The following MAN2A2 variants were observed in gnomAD, a reference collection of about 807,000 sequenced individuals.
The protein encoded by MAN2A2 is mannosidase alpha class 2A member 2.
Under a neutral mutation model 126.8 loss-of-function variants are expected in MAN2A2, and 79 were observed. The observed-to-expected ratio is 0.62, with a 90% CI of 0.52 to 0.75. The LOEUF is 0.75. Among genes scored for constraint, MAN2A2 ranks in the 30% least tolerant of loss-of-function variants. MAN2A2 has a pLI of 0.00. For missense variants in MAN2A2, 1,392 were observed against 1,522.4 expected (o/e 0.91, Z 1.43); for synonymous variants, 671 against 618.7 (o/e 1.08, Z -1.25).
chr15:90,912,424 G>A (rs1459554339), intron 15 of MAN2A2, 118 bp from the exon 16 acceptor site: 1 of 1,585,850 alleles, frequency 6.3e-7, no homozygotes, highest in African/African-American at 1.3e-5. Flanking sequence ...CTCAGCTCCA[G>A]CCTGACAGCA....
At chr15:90,911,892 A>T in intron 14 of MAN2A2, 151 bp from the exon 15 acceptor site, 1 of 695,830 alleles carries the variant, frequency 1.4e-6, no homozygotes, top group Non-Finnish European at 2.5e-6. Context: ...ATGAGGAAGA[A>T]AGGGCAAATC....
At position 90,910,700 on chromosome 15, in the gene MAN2A2, T is replaced by C; in HGVS notation, c.1760+17T>C. The C allele has an allele frequency of 6.2e-7, 1 of 1,612,944 alleles. No individual in the cohort carries two copies. The highest frequency in any genetic ancestry group is 1.1e-5 in the South Asian group (1 of 91,086). On this transcript the variant is annotated intron_variant, in intron 11 of 22. Transcript: ENST00000559717. ...TGGGGTCAGGTGGGAGCCTTCTCTT[T>C]TCCCTTGTAAGCTCCCCTGCTCACT...
chr15:90,905,595 A>T lies in MAN2A2; in HGVS notation c.407A>T (p.Glu136Val). 6.2e-7 allele frequency: 1 copy of T among 1,614,178 alleles called. No homozygotes were observed. Among genetic ancestry groups the T allele is most frequent in the Non-Finnish European group, 8.5e-7 (1 of 1,180,030 alleles). ...ACCTGGCAGATGCTCACTGTGTCGG[A>T]GGAGCTGCCGTTTGACAACGTGGAT... ...KPELQMLTVSEELPFDNVDGG... is the reference protein window; with the variant it reads ...KPELQMLTVSVELPFDNVDGG... The change falls in exon 4 of 23, where the codon GAG becomes GTG. Residue 136 changes from glutamate to valine, a missense_variant. Glu to Val is a moderately radical substitution (Grantham distance 121). Coordinates refer to ENST00000559717, the MANE Select transcript of MAN2A2 (RefSeq NM_006122.4).
At chr15:90,911,619 C>G in intron 14 of MAN2A2, 69 bp downstream of exon 14, 1 of 1,482,938 alleles carries the variant, frequency 6.7e-7, no homozygotes, top group African/African-American at 1.4e-5. Context: ...CCCGGCGACG[C>G]CAGCCTCCCA....
chr15:90,910,672 C>T lies in MAN2A2; in HGVS notation c.1749C>T (p.Asp583=). 6.2e-7 allele frequency: 1 copy of T among 1,614,056 alleles called. No homozygotes were observed. The highest frequency in any genetic ancestry group is 2.2e-5 in the East Asian group (1 of 44,890). Residue 583 remains aspartate, a synonymous_variant, in exon 11 of 23, where the codon GAC becomes GAT. Transcript: ENST00000559717. ...TGTAKEAVVV[D]YGVRLLRSLV... is the part of the protein sequence containing the mutation. ...CGGCCAAGGAGGCTGTGGTGGTGGA[C>T]TATGGGGTCAGGTGGGAGCCTTCTC...
chr15:90,913,407 G>T lies in MAN2A2; in HGVS notation c.2718+1G>T. 3 of 1,585,504 alleles carry T rather than the reference G, an allele frequency of 1.9e-6. No individual in the cohort carries two copies. The highest frequency in any genetic ancestry group is 2.6e-6 in the Non-Finnish European group (3 of 1,154,186). On this transcript the variant is annotated splice_donor_variant, in intron 18 of 22. Coordinates refer to ENST00000559717, the MANE Select transcript of MAN2A2 (RefSeq NM_006122.4). LOFTEE classifies it high-confidence loss of function. ...CTTCACAGACCTCAATGGCTTTCAG[G>T]TGACTCCTGGGCCTGGGTCTCGGAG... is the stretch of plus-strand genomic sequence containing the variant.
chr15:90,916,990 G>A (rs1241908876), intron 20 of MAN2A2, among the ~76,000 whole-genome samples: 1 of 152,178 alleles, frequency 6.6e-6, no homozygotes, highest in Non-Finnish European at 1.5e-5. Flanking sequence ...GATGAATGGG[G>A]TGTGATTTGA....
Position 90,905,598 on chromosome 15 carries a change from A to T in MAN2A2, c.410A>T (p.Glu137Val). The change falls in exon 4 of 23, where the codon GAG becomes GTG. Residue 137 changes from glutamate (E) to valine (V), a missense_variant. By Grantham distance (121) the Glu-to-Val change is moderately radical (BLOSUM62 -2). Transcript: ENST00000559717. ...TGGCAGATGCTCACTGTGTCGGAGG[A>T]GCTGCCGTTTGACAACGTGGATGGT... is the stretch of plus-strand genomic sequence containing the variant. The part of the protein sequence containing the change: ...PELQMLTVSE[E>V]LPFDNVDGGV... 1 of 1,614,142 alleles carries T rather than the reference A, an allele frequency of 6.2e-7. No homozygotes were observed. The highest frequency in any genetic ancestry group is 1.1e-5 in the South Asian group (1 of 91,084).
intron 1 of MAN2A2, chr15:90,903,930 C>G (rs2034038374): frequency 4.2e-6 from 2 of 480,968 alleles, no homozygotes; most frequent in African/African-American, 2.0e-5. Context: ...TTGTGTGGTG[C>G]GCTCCAGTCG....
intron 9 of MAN2A2, 58 bp from the exon 10 acceptor site, chr15:90,910,032 G>A: frequency 6.6e-7 from 1 of 1,504,220 alleles, no homozygotes; most frequent in East Asian, 2.3e-5. Context: ...CAGCACTGTG[G>A]CCACAATTTG....
Position 90,919,887 on chromosome 15 carries a change from C to G in MAN2A2, c.*100C>G. On this transcript the variant is annotated 3_prime_UTR_variant, in exon 23 of 23. Transcript: ENST00000559717. ...ACGGGTATCCCATCCCGATCTGCCTCCCAGAACTGTGACACACTGGGCTCT... is the reference window on the plus strand; with the variant it reads ...ACGGGTATCCCATCCCGATCTGCCTGCCAGAACTGTGACACACTGGGCTCT... 5 of 1,395,100 alleles carry G rather than the reference C, an allele frequency of 3.6e-6. No homozygotes were observed. Among genetic ancestry groups the G allele is most frequent in the Non-Finnish European group, 5.0e-6 (5 of 1,009,468 alleles). 86.4% of individuals were successfully genotyped at this position (1,395,100 alleles called of 1,614,324 possible).
chr15:90,913,529 G>T, intron 18 of MAN2A2, 85 bp from the exon 19 acceptor site: 2 of 1,565,452 alleles, frequency 1.3e-6, no homozygotes, highest in African/African-American at 2.7e-5. Context: ...GAGGCGAAGA[G>T]TTATCGGGGA....
Position 90,919,653 on chromosome 15 carries a change from T to C in MAN2A2, c.3319T>C (p.Phe1107Leu), listed in dbSNP as rs770447911. 3.1e-6 allele frequency: 5 copies of C among 1,614,144 alleles called. No individual in the cohort carries two copies. The highest frequency in any genetic ancestry group is 4.2e-6 in the Non-Finnish European group (5 of 1,180,006). ...SQGKVALGSLFHGLDVVFLQP... is the reference protein window; with the variant it reads ...SQGKVALGSLLHGLDVVFLQP... ...TCCACAGGTAGCCCTGGGCAGCCTT[T>C]TCCATGGCCTGGATGTGGTATTCCT... Residue 1107 changes from phenylalanine (F) to leucine (L), a missense_variant, in exon 23 of 23, where the codon TTC becomes CTC. Transcript: ENST00000559717.
chr15:90,916,306 G>A (rs777483133), intron 20 of MAN2A2, 50 bp downstream of exon 20: 1 of 1,590,426 alleles, frequency 6.3e-7, no homozygotes, highest in South Asian at 1.1e-5. Context: ...TAGTCCCTGG[G>A]GGTGGCCGGG....
intron 8 of MAN2A2, among the ~76,000 whole-genome samples, chr15:90,908,898 A>T (rs575025857): frequency 1.3e-5 from 2 of 152,230 alleles, no homozygotes; most frequent in African/African-American, 4.8e-5. Context: ...TTTAATTCTC[A>T]TAACATTATA....
chr15:90,911,455 C>G lies in MAN2A2; in HGVS notation c.2014C>G (p.Arg672Gly), dbSNP rs750741156. The G allele has an allele frequency of 8.1e-6, 13 of 1,614,234 alleles. No homozygotes were observed. Among genetic ancestry groups the G allele is most frequent in the Non-Finnish European group, 1.1e-5 (13 of 1,180,042 alleles). The change falls in exon 14 of 23, where the codon CGC (arginine) becomes GGC (glycine). Residue 672 changes from arginine (R) to glycine (G), a missense_variant. Physicochemically the swap from Arg to Gly is moderately radical, Grantham distance 125. Coordinates refer to ENST00000559717, the MANE Select transcript of MAN2A2 (RefSeq NM_006122.4). ...SMVSLLVNSP[R>G]VRVLSEEGQP... ...GGTGTCCCTGCTGGTCAACTCTCCC[C>G]GCGTGCGTGTCCTTTCGGAGGAGGG...
At chr15:90,906,111 G>A in intron 5 of MAN2A2, 95 bp downstream of exon 5, 1 of 1,538,004 alleles carries the variant, frequency 6.5e-7, no homozygotes, top group East Asian at 2.3e-5. Context: ...AAGGTGGCAG[G>A]GAGAGGCCCA....
chr15:90,905,546 G>A (rs574491226), intron 3 of MAN2A2, 33 bp from the exon 4 acceptor site: 22 of 1,614,114 alleles, frequency 1.4e-5, no homozygotes, highest in Admixed American at 1.7e-5. Flanking sequence ...CAGTGGCCAC[G>A]ACTGGGGTAC....
rs2035473613 is a variant in MAN2A2 at position 90,920,025 on chromosome 15, G to C, written c.*238G>C. The C allele has an allele frequency of 2.0e-6, 1 of 509,666 alleles. No homozygotes were observed. Among genetic ancestry groups the C allele is most frequent in the African/African-American group, 1.9e-5 (1 of 52,022 alleles). The allele number at this position is 509,666 out of a possible 1,614,324, so 31.6% of individuals were successfully genotyped here. ...ATCAGGGAGAGAAGGCCCTTGGTCA[G>C]AGTGGGCAGTGCCAGGCTCTGCTTT... On this transcript the variant is annotated 3_prime_UTR_variant, in exon 23 of 23. Transcript: ENST00000559717.
Sources: allele counts gnomAD v4.1 joint callset (sites outside exome capture counted in the v4.1 genomes callset), GRCh38; gene constraint gnomAD v4.1.1; transcripts MANE v1.5; gene names NCBI Gene and HGNC (gene_info 2026-07-23, HGNC 2026-07-21).